The following TAOK1 variants were observed in gnomAD, a reference collection of about 807,000 sequenced individuals.
TAOK1 encodes the protein serine/threonine-protein kinase TAO1.
TAOK1 carries 21 observed loss-of-function variants against 138.3 expected under a neutral mutation model. That is an observed-to-expected ratio of 0.15 (90% CI 0.11 to 0.22). The LOEUF is 0.22. Among genes scored for constraint, TAOK1 ranks in the 10% least tolerant of loss-of-function variants. The pLI, the probability that TAOK1 is intolerant of heterozygous loss-of-function variation, is 1.00. For synonymous variants in TAOK1, 361 were observed against 398.4 expected, an observed-to-expected ratio of 0.91 and a Z score of 1.12; for missense variants, 651 against 1,227.7, an observed-to-expected ratio of 0.53 and a Z score of 7.02.
At chr17:29,435,328 C>T (rs190105719) in intron 1 of TAOK1, among the ~76,000 whole-genome samples, 280 of 152,280 alleles carry the variant, frequency 1.8e-3, no homozygotes, top group Admixed American at 4.3e-3. Flanking sequence ...CATGATCTCT[C>T]TCTTTCCAGT....
intron 1 of TAOK1, among the ~76,000 whole-genome samples, chr17:29,430,092 A>AG (rs2153022552): frequency 6.6e-6 from 1 of 152,312 alleles, no homozygotes; most frequent in South Asian, 2.1e-4. Flanking sequence ...TCACCAGTAG[A>AG]GGGTCATGAC....
intron 10 of TAOK1, among the ~76,000 whole-genome samples, chr17:29,492,228 A>G (rs1164961819): frequency 6.6e-6 from 1 of 152,194 alleles, no homozygotes; most frequent in African/African-American, 2.4e-5. Flanking sequence ...ATTGTAAAGA[A>G]TGTGTTTTAT....
At chr17:29,480,943 G>A (rs2031049465) in intron 7 of TAOK1, among the ~76,000 whole-genome samples, 1 of 149,646 alleles carries the variant, frequency 6.7e-6, no homozygotes, top group South Asian at 2.1e-4. Context: ...TTAGTGATTA[G>A]TGCTTCATTT....
intron 1 of TAOK1, among the ~76,000 whole-genome samples, chr17:29,396,492 G>A (rs555710013): frequency 2.2e-4 from 34 of 152,260 alleles, no homozygotes; most frequent in Middle Eastern, 3.4e-3. Flanking sequence ...CTTAATTACC[G>A]TCTAATTTAT....
At chr17:29,451,816 G>A (rs4795510) in intron 2 of TAOK1, 136 bp downstream of exon 2, 551,882 of 966,586 alleles carry the variant, frequency 0.57, 161,193 homozygotes, top group East Asian at 0.97. Flanking sequence ...GAGAGAGAGC[G>A]CGAGAGCGAG....
rs3058623 is a variant in TAOK1, at chr17:29,465,837, C to CTTTTTT, written c.133-1286_133-1281dup. Among the ~76,000 whole-genome samples, 5 of 45,454 alleles carry CTTTTTT rather than the reference C, an allele frequency of 1.1e-4. 1 individual carries two copies. The highest frequency in any genetic ancestry group is 4.6e-4 in the African/African-American group (4 of 8,726). 29.8% of individuals were successfully genotyped at this position (45,454 alleles called of 152,430 possible). A position where few individuals can be genotyped will look rare whatever the true frequency, so the allele number is the denominator to read the frequency against. ...AAGAGTTAACTGTCAAGTTTCTGTGCTTTTTTTTTTTTTTTTTTTTTTTTT... is the reference window on the plus strand; with the variant it reads ...AAGAGTTAACTGTCAAGTTTCTGTGCTTTTTTTTTTTTTTTTTTTTTTTTTTTTTTT... On this transcript the variant is annotated intron_variant, in intron 2 of 19. Coordinates refer to ENST00000261716, the MANE Select transcript of TAOK1 (RefSeq NM_020791.4).
chr17:29,413,069 G>A (rs970774096), intron 1 of TAOK1, among the ~76,000 whole-genome samples: 4 of 152,104 alleles, frequency 2.6e-5, no homozygotes, highest in Non-Finnish European at 4.4e-5. Flanking sequence ...GTCATTTTAC[G>A]GATGAGACAA....
At chr17:29,434,720 G>T (rs1905971255) in intron 1 of TAOK1, among the ~76,000 whole-genome samples, 1 of 152,152 alleles carries the variant, frequency 6.6e-6, no homozygotes, top group Non-Finnish European at 1.5e-5. Flanking sequence ...CATGAAACAG[G>T]AAGCTTGGAG....
intron 17 of TAOK1, among the ~76,000 whole-genome samples, chr17:29,527,109 A>G (rs2032024865): frequency 1.3e-5 from 2 of 151,286 alleles, no homozygotes; most frequent in South Asian, 2.1e-4. Flanking sequence ...CTGGTGACAG[A>G]GCAAGACTCT....
intron 1 of TAOK1, among the ~76,000 whole-genome samples, chr17:29,435,889 G>A (rs986050003): frequency 1.3e-5 from 2 of 152,194 alleles, no homozygotes; most frequent in Non-Finnish European, 2.9e-5. Flanking sequence ...CCAGCACTTT[G>A]GGAGGCCAAG....
chr17:29,492,612 G>GAAA (rs1259418091), intron 10 of TAOK1, among the ~76,000 whole-genome samples: 1 of 151,726 alleles, frequency 6.6e-6, no homozygotes, highest in Non-Finnish European at 1.5e-5. Context: ...CCAACATGCT[G>GAAA]AAACCCCCGT....
At chr17:29,478,222 G>A (rs1311008920) in intron 5 of TAOK1, 29 bp from the exon 6 acceptor site, 2 of 1,529,992 alleles carry the variant, frequency 1.3e-6, no homozygotes, top group East Asian at 2.3e-5. Flanking sequence ...AATGTTCTGT[G>A]TATTAATTAT....
chr17:29,474,709 A>G (rs1167169529), intron 3 of TAOK1, among the ~76,000 whole-genome samples: 3 of 152,204 alleles, frequency 2.0e-5, no homozygotes, highest in Non-Finnish European at 4.4e-5. Context: ...CATAACAGAT[A>G]TAATAATAAT....
At chr17:29,523,581 G>A (rs1452838906) in intron 17 of TAOK1, among the ~76,000 whole-genome samples, 1 of 152,012 alleles carries the variant, frequency 6.6e-6, no homozygotes, top group Non-Finnish European at 1.5e-5. Context: ...TAGAGACGGG[G>A]TTCACCGTGT....
chr17:29,476,931 C>T (rs1244620847), intron 4 of TAOK1, among the ~76,000 whole-genome samples: 2 of 151,992 alleles, frequency 1.3e-5, no homozygotes, highest in Non-Finnish European at 2.9e-5. Flanking sequence ...CTGCAAGCTC[C>T]GCCTCCCAGG....
chr17:29,431,651 T>G (rs1388521752), intron 1 of TAOK1, among the ~76,000 whole-genome samples: 1 of 151,964 alleles, frequency 6.6e-6, no homozygotes, highest in Non-Finnish European at 1.5e-5. Context: ...TTAAATTTTT[T>G]TTTTTGAGAC....
intron 3 of TAOK1, among the ~76,000 whole-genome samples, chr17:29,473,845 G>A (rs12601608): frequency 0.24 from 35,961 of 151,434 alleles, 4,848 homozygotes; most frequent in East Asian, 0.65. Context: ...TCCTTCCTCT[G>A]CGTTTCCTCC....
intron 11 of TAOK1, among the ~76,000 whole-genome samples, chr17:29,496,783 G>A (rs531836287): frequency 6.1e-5 from 9 of 148,208 alleles, no homozygotes; most frequent in Non-Finnish European, 9.0e-5. Flanking sequence ...GACCGGTTTC[G>A]CTATGTTGGC....
At chr17:29,435,587 A>G (rs1050328098) in intron 1 of TAOK1, among the ~76,000 whole-genome samples, 2 of 152,146 alleles carry the variant, frequency 1.3e-5, no homozygotes, top group Non-Finnish European at 2.9e-5. Context: ...CCTGTTAGAA[A>G]GTGACATTCT....
Sources: gnomAD v4.1 joint callset for allele counts (sites outside exome capture counted in the v4.1 genomes callset) on GRCh38, gnomAD v4.1.1 for gene constraint, MANE v1.5 for transcripts, NCBI Gene and HGNC (gene_info 2026-07-23, HGNC 2026-07-21) for gene names.